Variants in PCDH19 observed in about 807,000 individuals in gnomAD.
PCDH19 encodes the protein protocadherin 19.
PCDH19 carries 6 observed loss-of-function variants against 46.2 expected under a neutral mutation model. The observed-to-expected ratio is 0.13, with a 90% CI of 0.07 to 0.26. PCDH19 has a LOEUF of 0.26. Among genes scored for constraint, PCDH19 ranks in the 10% least tolerant of loss-of-function variants. PCDH19 has a pLI of 1.00. For missense variants in PCDH19, 740 were observed against 972.3 expected, an observed-to-expected ratio of 0.76 and a Z score of 3.18; for synonymous variants, 481 against 415.7, an observed-to-expected ratio of 1.16 and a Z score of -1.91.
chrX:100,311,925 T>TA (rs1203277554), intron 5 of PCDH19, among the ~76,000 whole-genome samples: 4 of 111,202 alleles, frequency 3.6e-5, no homozygotes, highest in Non-Finnish European at 7.6e-5. Flanking sequence ...GCACAATCAT[T>TA]AAAAAAATGC....
At chrX:100,320,455 G>T (rs1389987612) in intron 5 of PCDH19, among the ~76,000 whole-genome samples, 1 of 111,530 alleles carries the variant, frequency 9.0e-6, no homozygotes, top group Non-Finnish European at 1.9e-5. Flanking sequence ...AAAAGAAAAA[G>T]GCAATAATAA....
chrX:100,409,630 G>C lies in PCDH19; in HGVS notation c.-1033C>G, dbSNP rs1054276588. 2.2e-5 allele frequency: 4 copies of C among 185,846 alleles called. No individual in the cohort carries two copies. In the East Asian group the frequency reaches 9.2e-4, roughly 43 times the overall value. The allele number at this position is 185,846 out of a possible 1,213,427, so 15.3% of individuals were successfully genotyped here. A position where few individuals can be genotyped will look rare whatever the true frequency, so the allele number is the denominator to read the frequency against. ...GGGAAGGGGAGGCAACAACAGTACC[G>C]GCCAGGAGAGGCGGGGCCGCCGCCG... On this transcript the variant is annotated 5_prime_UTR_variant, in exon 1 of 6. Transcript: ENST00000373034.
intron 3 of PCDH19, among the ~76,000 whole-genome samples, chrX:100,397,993 C>A (rs943502019): frequency 3.5e-5 from 3 of 85,411 alleles, no homozygotes; most frequent in Non-Finnish European, 7.3e-5. Flanking sequence ...TCTACGCCCT[C>A]ATACACACAC....
intron 3 of PCDH19, among the ~76,000 whole-genome samples, chrX:100,371,881 CA>C (rs1461919551): frequency 8.1e-5 from 8 of 98,349 alleles, no homozygotes; most frequent in East Asian, 2.9e-4. Context: ...CACACACACA[CA>C]CCCACACAAA....
intron 5 of PCDH19, among the ~76,000 whole-genome samples, chrX:100,335,891 C>T (rs774704435): frequency 1.8e-5 from 2 of 111,586 alleles, no homozygotes; most frequent in Admixed American, 1.9e-4. Context: ...ATACACATTC[C>T]TGGGTTCAAG....
rs745585552 is a variant in PCDH19, at chrX:100,375,243, C to A, written c.2617-24539G>T. On this transcript the variant is annotated intron_variant, in intron 3 of 5. Coordinates refer to ENST00000373034, the MANE Select transcript of PCDH19 (RefSeq NM_001184880.2). ...TAACTCGTCATTTACATTAGATATA[C>A]CCCCTCCCTCCACCCCAAGACAGGC... 5.4e-5 allele frequency among the ~76,000 whole-genome samples: 6 copies of A among 111,391 alleles called. No homozygotes were observed. The East Asian group carries it at 1.7e-3, about 32-fold the overall frequency.
intron 1 of PCDH19, 48 bp from the exon 2 acceptor site, chrX:100,403,712 A>G: frequency 9.1e-7 from 1 of 1,099,932 alleles, no homozygotes. Context: ...TTCTCCATTC[A>G]GGTGTACCTA....
At chrX:100,335,146 T>C (rs138336577) in intron 5 of PCDH19, among the ~76,000 whole-genome samples, 1 of 111,227 alleles carries the variant, frequency 9.0e-6, no homozygotes, top group Non-Finnish European at 1.9e-5. Context: ...AATGTAAATG[T>C]TGCCTTGGAA....
chrX:100,295,811 A>T lies in PCDH19; in HGVS notation c.*466T>A, dbSNP rs1393565724. On this transcript the variant is annotated 3_prime_UTR_variant, in exon 6 of 6. Transcript: ENST00000373034. ...TTGGGGGCTCAATTTCACATCACTG[A>T]ATCAATGAATAGTACACAATAAATG... 1 of 118,181 alleles carries T rather than the reference A, an allele frequency of 8.5e-6. No individual in the cohort carries two copies. The highest frequency in any genetic ancestry group is 3.3e-5 in the African/African-American group (1 of 30,567). 9.7% of individuals were successfully genotyped at this position (118,181 alleles called of 1,213,427 possible). A position where few individuals can be genotyped will look rare whatever the true frequency, so the allele number is the denominator to read the frequency against.
intron 4 of PCDH19, among the ~76,000 whole-genome samples, chrX:100,344,386 C>T (rs1039839626): frequency 3.6e-5 from 4 of 111,402 alleles, no homozygotes; most frequent in East Asian, 2.8e-4. Context: ...GCACATATTA[C>T]GGAGTTTTCT....
chrX:100,408,004 G>A lies in PCDH19; in HGVS notation c.594C>T (p.Arg198=), dbSNP rs370348930. 2 of 1,206,836 alleles carry A rather than the reference G, an allele frequency of 1.7e-6. No homozygotes were observed. Among genetic ancestry groups the A allele is most frequent in the African/African-American group, 1.7e-5 (1 of 57,659 alleles). ...AELVVEKSLD[R]ETQSHYSFRI... is the part of the protein sequence containing the mutation. ...GGAAGCTGTAGTGCGACTGCGTCTC[G>A]CGGTCCAGGCTCTTTTCCACCACGA... is the stretch of plus-strand genomic sequence containing the variant. Residue 198 remains arginine, a synonymous_variant, in exon 1 of 6, where the codon CGC becomes CGT. Transcript: ENST00000373034.
chrX:100,333,162 G>GGAGAGAGAGAGAGA (rs1569294618), intron 5 of PCDH19, among the ~76,000 whole-genome samples: 2 of 46,032 alleles, frequency 4.3e-5, no homozygotes, highest in East Asian at 7.9e-4. Flanking sequence ...AGGAAGGAAG[G>GGAGAGAGAGAGAGA]AAGGAAGGAA....
intron 3 of PCDH19, among the ~76,000 whole-genome samples, chrX:100,387,608 T>C (rs1207605954): frequency 8.9e-6 from 1 of 111,935 alleles, no homozygotes; most frequent in Non-Finnish European, 1.9e-5. Flanking sequence ...ATTAAATATA[T>C]GTATAAGTTG....
chrX:100,378,923 C>A (rs191929500), intron 3 of PCDH19, among the ~76,000 whole-genome samples: 2 of 111,815 alleles, frequency 1.8e-5, no homozygotes, highest in Admixed American at 9.5e-5. Flanking sequence ...CTGCCTCTCA[C>A]GTACCATTCA....
At chrX:100,363,695 TATAATA>T (rs1926971613) in intron 3 of PCDH19, among the ~76,000 whole-genome samples, 3 of 56,349 alleles carry the variant, frequency 5.3e-5, no homozygotes, top group African/African-American at 1.8e-4. Flanking sequence ...ATATTTTATA[TATAATA>T]TATTTATTTT....
chrX:100,316,740 T>C (rs1200279668), intron 5 of PCDH19, among the ~76,000 whole-genome samples: 1 of 111,955 alleles, frequency 8.9e-6, no homozygotes, highest in Admixed American at 9.5e-5. Flanking sequence ...TTAGAAGTCT[T>C]TAGCATTACT....
chrX:100,345,228 C>CA (rs1197580590), intron 4 of PCDH19, among the ~76,000 whole-genome samples: 1 of 111,484 alleles, frequency 9.0e-6, no homozygotes, highest in African/African-American at 3.3e-5. Flanking sequence ...GTAATGTTTT[C>CA]ACTGAGTTAC....
chrX:100,304,487 ATT>A (rs1379824588), intron 5 of PCDH19, among the ~76,000 whole-genome samples: 2 of 111,895 alleles, frequency 1.8e-5, no homozygotes, highest in African/African-American at 6.5e-5. Flanking sequence ...CAGAAAAAGT[ATT>A]CTGGTAATAT....
intron 5 of PCDH19, among the ~76,000 whole-genome samples, chrX:100,327,844 T>A (rs907923660): frequency 1.8e-5 from 2 of 111,684 alleles, no homozygotes; most frequent in Non-Finnish European, 3.8e-5. Context: ...CTGTAAGGGA[T>A]AAATGATATA....
Sources: gnomAD v4.1 joint callset for allele counts (sites outside exome capture counted in the v4.1 genomes callset) on GRCh38, gnomAD v4.1.1 for gene constraint, MANE v1.5 for transcripts, NCBI Gene and HGNC (gene_info 2026-07-23, HGNC 2026-07-21) for gene names.